GABRA5: variants seen among roughly 807,000 people sequenced by gnomAD.
GABRA5 encodes the protein gamma-aminobutyric acid type A receptor subunit alpha5.
In GABRA5, 18 loss-of-function variants were observed where a neutral mutation model predicts 47.3. The observed-to-expected ratio is 0.38, with a 90% CI of 0.26 to 0.56. The LOEUF is 0.56. Among genes scored for constraint, GABRA5 ranks in the 20% least tolerant of loss-of-function variants. The pLI is 0.71. For missense variants in GABRA5, 365 were observed against 599.3 expected (o/e 0.61, Z 4.08); for synonymous variants, 237 against 229.3 (o/e 1.03, Z -0.30).
chr15:26,910,319 C>T (rs1053915378), intron 6 of GABRA5, among the ~76,000 whole-genome samples: 9 of 151,924 alleles, frequency 5.9e-5, no homozygotes, highest in South Asian at 2.1e-4. Flanking sequence ...TAAAAATGCC[C>T]GACCGGGTGT....
intron 3 of GABRA5, among the ~76,000 whole-genome samples, chr15:26,874,423 G>A (rs28715787): frequency 0.38 from 58,151 of 151,908 alleles, 11,389 homozygotes; most frequent in East Asian, 0.48. Flanking sequence ...TTTACCATCT[G>A]AAAGTGATAA....
At chr15:26,943,192 T>C in intron 9 of GABRA5, 23 bp from the exon 10 acceptor site, 1 of 1,539,954 alleles carries the variant, frequency 6.5e-7, no homozygotes, top group Non-Finnish European at 8.8e-7. Flanking sequence ...CGTTTTTCAC[T>C]CTGCCCTGCC....
At chr15:26,877,866 A>C (rs1320614872) in intron 3 of GABRA5, among the ~76,000 whole-genome samples, 1 of 152,222 alleles carries the variant, frequency 6.6e-6, no homozygotes, top group Non-Finnish European at 1.5e-5. Context: ...TATTTCTGTT[A>C]TGTCTAAGAC....
chr15:26,911,896 C>T (rs959617386), intron 6 of GABRA5, among the ~76,000 whole-genome samples: 1 of 152,168 alleles, frequency 6.6e-6, no homozygotes, highest in African/African-American at 2.4e-5. Context: ...AGAAGACAAC[C>T]ATCTCCATAT....
intron 6 of GABRA5, among the ~76,000 whole-genome samples, chr15:26,903,717 T>C (rs1408687043): frequency 6.6e-6 from 1 of 151,988 alleles, no homozygotes; most frequent in Non-Finnish European, 1.5e-5. Context: ...GATATTTAGC[T>C]TTTTTTTCAT....
intron 7 of GABRA5, among the ~76,000 whole-genome samples, chr15:26,930,951 A>G (rs1422625322): frequency 6.1e-5 from 8 of 131,328 alleles, no homozygotes; most frequent in East Asian, 2.2e-4. Context: ...GCTGGAGTGC[A>G]GTAGCACATT....
At chr15:26,921,775 A>G (rs1893848969) in intron 7 of GABRA5, among the ~76,000 whole-genome samples, 1 of 152,064 alleles carries the variant, frequency 6.6e-6, no homozygotes, top group Admixed American at 6.6e-5. Flanking sequence ...TTTTGCTCAA[A>G]TTTTTAGTCA....
chr15:26,944,984 C>T (rs72712082), intron 10 of GABRA5, among the ~76,000 whole-genome samples: 56,329 of 152,066 alleles, frequency 0.37, 11,669 homozygotes, highest in Middle Eastern at 0.6. Flanking sequence ...CCATGTCCGC[C>T]CTGCCTCCTG....
intron 7 of GABRA5, among the ~76,000 whole-genome samples, chr15:26,918,431 A>T: frequency 6.6e-6 from 1 of 152,172 alleles, no homozygotes; most frequent in East Asian, 1.9e-4. Flanking sequence ...TGTGCTTTAG[A>T]AAAATGTGTA....
At position 26,942,186 on chromosome 15, in the gene GABRA5, C is replaced by T. The variant is rs555410150; in HGVS notation, c.878-1029C>T. 5.3e-5 allele frequency among the ~76,000 whole-genome samples: 8 copies of T among 152,342 alleles called. No homozygotes were observed. The South Asian group carries it at 1.7e-3, about 32-fold the overall frequency. ...CTTTTAAATCTTCAGGCTCCTCCAC[C>T]TGCCAAACAGGGATACTGACACCCA... On this transcript the variant is annotated intron_variant, in intron 9 of 10. Coordinates refer to ENST00000335625, the MANE Select transcript of GABRA5 (RefSeq NM_000810.4).
At chr15:26,938,309 C>T (rs1429201466) in intron 8 of GABRA5, among the ~76,000 whole-genome samples, 2 of 152,128 alleles carry the variant, frequency 1.3e-5, no homozygotes, top group African/African-American at 4.8e-5. Flanking sequence ...GGGAACCGGC[C>T]GGTTTTATGC....
chr15:26,899,852 G>T (rs1248515765), intron 6 of GABRA5, among the ~76,000 whole-genome samples: 1 of 152,002 alleles, frequency 6.6e-6, no homozygotes, highest in African/African-American at 2.4e-5. Flanking sequence ...GCCAATACCT[G>T]CCTTTTAATT....
At chr15:26,926,043 C>G (rs1296175417) in intron 7 of GABRA5, among the ~76,000 whole-genome samples, 3 of 152,170 alleles carry the variant, frequency 2.0e-5, no homozygotes, top group Non-Finnish European at 4.4e-5. Flanking sequence ...CCTCACTCTC[C>G]AGCTGCTGCT....
At chr15:26,910,043 T>G (rs1260625527) in intron 6 of GABRA5, among the ~76,000 whole-genome samples, 1 of 151,860 alleles carries the variant, frequency 6.6e-6, no homozygotes, top group East Asian at 1.9e-4. Flanking sequence ...TACTTATCAA[T>G]TATTTATTTC....
chr15:26,918,662 ATC>A (rs1893772137), intron 7 of GABRA5, among the ~76,000 whole-genome samples: 2 of 152,160 alleles, frequency 1.3e-5, no homozygotes, highest in African/African-American at 4.8e-5. Flanking sequence ...TAATTGTTAT[ATC>A]TCTCTGGTGA....
rs117145509 is a variant in GABRA5 at position 26,880,564 on chromosome 15, G to A, written c.87-282G>A. ...AATGGCTAATTGGTTGTTAAAAATG[G>A]CTAAAATATTGACATAAACCAATTC... On this transcript the variant is annotated intron_variant, in intron 3 of 10. Transcript: ENST00000335625. 2.8e-3 allele frequency: 743 copies of A among 261,772 alleles called. 5 individuals are homozygous for A. The highest frequency in any genetic ancestry group is 4.1e-3 in the Non-Finnish European group (567 of 137,184). The allele number at this position is 261,772 out of a possible 1,614,324, so 16.2% of individuals were successfully genotyped here.
At chr15:26,927,371 C>T (rs1253031159) in intron 7 of GABRA5, among the ~76,000 whole-genome samples, 2 of 152,008 alleles carry the variant, frequency 1.3e-5, no homozygotes, top group African/African-American at 4.8e-5. Flanking sequence ...CTCGGCCTCT[C>T]AAAGTGCTGG....
intron 9 of GABRA5, among the ~76,000 whole-genome samples, chr15:26,941,794 C>G (rs73366003): frequency 0.019 from 2,840 of 152,308 alleles, 84 homozygotes; most frequent in African/African-American, 0.065. Flanking sequence ...CCCGCCCTCA[C>G]ACGGCATGCT....
In GABRA5 at chr15:26,867,147, G is replaced by A. The variant is rs1892332958; in HGVS notation, c.-140+36G>A. 1 of 149,890 alleles carries A rather than the reference G, an allele frequency of 6.7e-6. No individual in the cohort carries two copies. Among genetic ancestry groups the A allele is most frequent in the Non-Finnish European group, 1.5e-5 (1 of 67,174 alleles). 9.3% of individuals were successfully genotyped at this position (149,890 alleles called of 1,614,324 possible). On this transcript the variant is annotated intron_variant, in intron 1 of 10. Coordinates refer to ENST00000335625, the MANE Select transcript of GABRA5 (RefSeq NM_000810.4). This position sits in a 1 kb window ranked among gnomAD's most constrained non-coding sequence, Gnocchi z 5.9. ...GCGCGAGTGCGCCGGGGGCGCTGGG[G>A]GGCTCTGCGGCGGGCGGCGCGCGGC...
Sources: gnomAD v4.1 joint callset for allele counts (sites outside exome capture counted in the v4.1 genomes callset) on GRCh38, gnomAD v4.1.1 for gene constraint, Gnocchi (gnomAD v3.1) non-coding constraint, MANE v1.5 for transcripts, NCBI Gene and HGNC (gene_info 2026-07-23, HGNC 2026-07-21) for gene names.